The following SLCO1B1 variants were observed in gnomAD, a reference collection of about 807,000 sequenced individuals.
SLCO1B1 encodes OATP-2.
A neutral mutation model predicts 70.1 loss-of-function variants in SLCO1B1; 81 were observed. The observed-to-expected ratio is 1.16, with a 90% CI of 0.97 to 1.39. SLCO1B1 has a LOEUF of 1.39. Ranked by LOEUF, SLCO1B1 falls within the 40% of genes most tolerant of loss-of-function variation. SLCO1B1 has a pLI of 0.00. For missense variants in SLCO1B1, 895 were observed against 799.6 expected, an observed-to-expected ratio of 1.12 and a Z score of -1.44; for synonymous variants, 283 against 271.5, an observed-to-expected ratio of 1.04 and a Z score of -0.42.
At position 21,141,660 on chromosome 12, in the gene SLCO1B1, T is replaced by C; in HGVS notation, c.84+2T>C. 1.3e-6 allele frequency: 2 copies of C among 1,584,340 alleles called. No homozygotes were observed. The highest frequency in any genetic ancestry group is 1.7e-6 in the Non-Finnish European group (2 of 1,155,708). On this transcript the variant is annotated splice_donor_variant, in intron 2 of 14. Coordinates refer to ENST00000256958, the MANE Select transcript of SLCO1B1 (RefSeq NM_006446.5). LOFTEE classifies it high-confidence loss of function. Reference sequence around the variant, plus strand: ...ACAAGATACTGCAATGGATTGAAGGTAGAATAAGTTTTATGTTTTTGAGCT... The same window carrying C: ...ACAAGATACTGCAATGGATTGAAGGCAGAATAAGTTTTATGTTTTTGAGCT...
In SLCO1B1 at chr12:21,205,849, G is replaced by C. The variant is rs75563002; in HGVS notation, c.1332-19G>C. 1.4e-3 allele frequency: 2,253 copies of C among 1,561,196 alleles called. 24 individuals are homozygous for C. The African/African-American group carries it at 0.027, about 18-fold the overall frequency. The stretch of plus-strand genomic sequence containing the variant: ...TTCTCTCTCTCTCTTTTTGATATAT[G>C]TCTATCATATATTTCCAGAAATAAT... On this transcript the variant is annotated intron_variant, in intron 10 of 14. Coordinates refer to ENST00000256958, the MANE Select transcript of SLCO1B1 (RefSeq NM_006446.5).
At chr12:21,209,929 G>A (rs1487906652) in intron 11 of SLCO1B1, among the ~76,000 whole-genome samples, 2 of 152,208 alleles carry the variant, frequency 1.3e-5, no homozygotes, top group South Asian at 2.1e-4. Flanking sequence ...TTGTAAATCT[G>A]TTGGAGTTAA....
chr12:21,141,791 CAT>C, intron 2 of SLCO1B1, 133 bp downstream of exon 2: 1 of 570,562 alleles, frequency 1.8e-6, no homozygotes, highest in Non-Finnish European at 3.1e-6. Context: ...GAAATATTAA[CAT>C]AATGATTCAT....
chr12:21,229,673 T>C (rs749502857), intron 14 of SLCO1B1, among the ~76,000 whole-genome samples: 4 of 152,194 alleles, frequency 2.6e-5, no homozygotes, highest in Admixed American at 6.5e-5. Flanking sequence ...TTTGATGATA[T>C]ATATGAAGAT....
At chr12:21,153,799 A>T (rs1427244251) in intron 2 of SLCO1B1, among the ~76,000 whole-genome samples, 1 of 152,048 alleles carries the variant, frequency 6.6e-6, no homozygotes, top group Non-Finnish European at 1.5e-5. Flanking sequence ...AATTCAATAT[A>T]TGGAGGACTT....
intron 11 of SLCO1B1, 128 bp from the exon 12 acceptor site, chr12:21,216,991 A>T (rs1355908257): frequency 2.7e-6 from 2 of 727,446 alleles, no homozygotes; most frequent in Admixed American, 5.0e-5. Flanking sequence ...CTGTATTTTT[A>T]GAATCTTCTT....
At chr12:21,148,695 C>CTTTTTTT (rs71043249) in intron 2 of SLCO1B1, among the ~76,000 whole-genome samples, 1 of 100,186 alleles carries the variant, frequency 1.0e-5, no homozygotes, top group Non-Finnish European at 2.0e-5. Context: ...GCTATATGGG[C>CTTTTTTT]TTTTTTTTTT....
chr12:21,173,912 T>C lies in SLCO1B1; in HGVS notation c.227-665T>C, dbSNP rs577582671. Reference sequence around the variant, plus strand: ...AGCTGGGACTACAGGCACCCGCCACTATGCCCGGCTAATTTTTTGTATTTT... The same window carrying C: ...AGCTGGGACTACAGGCACCCGCCACCATGCCCGGCTAATTTTTTGTATTTT... On this transcript the variant is annotated intron_variant, in intron 3 of 14. Transcript: ENST00000256958. 1.9e-3 allele frequency among the ~76,000 whole-genome samples: 293 copies of C among 151,608 alleles called. 1 individual carries two copies. Among genetic ancestry groups the C allele is most frequent in the African/African-American group, 6.7e-3 (278 of 41,380 alleles).
chr12:21,214,610 G>A (rs1042156999), intron 11 of SLCO1B1, among the ~76,000 whole-genome samples: 5 of 129,596 alleles, frequency 3.9e-5, no homozygotes, highest in African/African-American at 1.4e-4. Context: ...CTTCCAGGCC[G>A]CTTTGTTTTT....
chr12:21,145,782 C>T (rs1940374966), intron 2 of SLCO1B1, among the ~76,000 whole-genome samples: 1 of 152,026 alleles, frequency 6.6e-6, no homozygotes, highest in Non-Finnish European at 1.5e-5. Context: ...TTTGTCTGTG[C>T]TCCTTGATTC....
At chr12:21,173,763 G>T (rs1940784405) in intron 3 of SLCO1B1, among the ~76,000 whole-genome samples, 2 of 146,002 alleles carry the variant, frequency 1.4e-5, no homozygotes, top group Admixed American at 6.8e-5. Context: ...GATTAGAAGT[G>T]GTCATGACTT....
chr12:21,157,552 A>G (rs1940557553), intron 2 of SLCO1B1, among the ~76,000 whole-genome samples: 1 of 152,134 alleles, frequency 6.6e-6, no homozygotes, highest in African/African-American at 2.4e-5. Flanking sequence ...TCAGATAAGA[A>G]GAAATAATTA....
At chr12:21,142,576 A>C (rs1356288740) in intron 2 of SLCO1B1, among the ~76,000 whole-genome samples, 1 of 152,004 alleles carries the variant, frequency 6.6e-6, no homozygotes, top group Non-Finnish European at 1.5e-5. Context: ...ATGTTATAAA[A>C]GGTTCCTTTT....
chr12:21,137,638 A>T (rs1396897486), intron 1 of SLCO1B1, among the ~76,000 whole-genome samples: 1 of 152,202 alleles, frequency 6.6e-6, no homozygotes. Flanking sequence ...CCTCCAAGCC[A>T]GGTGCAGGAT....
intron 11 of SLCO1B1, among the ~76,000 whole-genome samples, chr12:21,214,929 C>A (rs886834601): frequency 9.2e-5 from 14 of 151,950 alleles, no homozygotes; most frequent in Non-Finnish European, 2.1e-4. Context: ...GGCTCACGCA[C>A]GGTGCGCGCA....
intron 1 of SLCO1B1, among the ~76,000 whole-genome samples, chr12:21,132,051 T>C (rs1239845422): frequency 2.0e-5 from 3 of 152,112 alleles, no homozygotes; most frequent in Non-Finnish European, 4.4e-5. Context: ...GTGTTCTCAT[T>C]GTTCAGTTCC....
intron 2 of SLCO1B1, among the ~76,000 whole-genome samples, chr12:21,157,332 T>G (rs914678326): frequency 6.6e-6 from 1 of 152,054 alleles, no homozygotes; most frequent in South Asian, 2.1e-4. Flanking sequence ...AAGGAAAATA[T>G]TAGGTATAGA....
At chr12:21,224,878 A>G in intron 14 of SLCO1B1, 39 bp downstream of exon 14, 1 of 1,086,640 alleles carries the variant, frequency 9.2e-7, no homozygotes, top group Non-Finnish European at 1.4e-6. Flanking sequence ...TTTTTCTTTG[A>G]CTATATTAAT....
chr12:21,198,116 C>T (rs552897896), intron 8 of SLCO1B1, among the ~76,000 whole-genome samples: 1 of 152,206 alleles, frequency 6.6e-6, no homozygotes, highest in South Asian at 2.1e-4. Context: ...TAGGTTCTTC[C>T]TTTCATCAGG....
Sources: allele counts gnomAD v4.1 joint callset (sites outside exome capture counted in the v4.1 genomes callset), GRCh38; gene constraint gnomAD v4.1.1; transcripts MANE v1.5; gene names NCBI Gene and HGNC (gene_info 2026-07-23, HGNC 2026-07-21).